The following COL9A3 variants were observed in gnomAD, a reference collection of about 807,000 sequenced individuals.
COL9A3 encodes collagen type IX alpha 3 chain.
Under a neutral mutation model 110.2 loss-of-function variants are expected in COL9A3, and 82 were observed. The ratio of observed to expected loss-of-function variants is 0.74; its 90% confidence interval spans 0.62 to 0.89. The LOEUF (loss-of-function observed/expected upper bound fraction) is 0.89, where lower values mean the gene tolerates loss of function less well. Ranked by LOEUF, COL9A3 falls within the 40% of genes least tolerant of loss-of-function variation. The pLI is 0.00. For synonymous variants in COL9A3, 494 were observed against 403.8 expected (o/e 1.22, Z -2.68); for missense variants, 1,066 against 981.3 (o/e 1.09, Z -1.15).
rs151056612 is a variant in COL9A3, at chr20:62,836,234, C to T, written c.1449C>T (p.Asn483=). 3.5e-3 allele frequency: 5,575 copies of T among 1,613,672 alleles called. 14 individuals are homozygous for T. Among genetic ancestry groups the T allele is most frequent in the Non-Finnish European group, 4.1e-3 (4,858 of 1,179,994 alleles). Residue 483 remains asparagine (N), a synonymous_variant, in exon 28 of 32, where the codon AAC becomes AAT. Transcript: ENST00000649368. ...ELGPKGTQGP[N]GTSGVQGVPG... ...GCCCCAAAGGCACCCAGGGTCCCAACGGCACCAGCGGTGTTCAGGGTGTCC... is the reference window on the plus strand; with the variant it reads ...GCCCCAAAGGCACCCAGGGTCCCAATGGCACCAGCGGTGTTCAGGGTGTCC...
intron 24 of COL9A3, 133 bp from the exon 25 acceptor site, chr20:62,832,021 C>T (rs2063600928): frequency 5.5e-6 from 5 of 908,932 alleles, no homozygotes; most frequent in Non-Finnish European, 1.8e-6. Context: ...GTCTGGGAGC[C>T]GGTGTTCACA....
Position 62,836,314 on chromosome 20 carries a change from C to T in COL9A3, c.1529C>T (p.Thr510Met), listed in dbSNP as rs200521238. The T allele has an allele frequency of 1.3e-4, 207 of 1,613,704 alleles. No individual in the cohort carries two copies. Among genetic ancestry groups the T allele is most frequent in the Middle Eastern group, 8.2e-4 (5 of 6,084 alleles). Residue 510 changes from threonine (T) to methionine (M), a missense_variant, in exon 28 of 32, where the codon ACG (threonine) becomes ATG (methionine). Thr to Met is a moderately conservative substitution (Grantham distance 81). Coordinates refer to ENST00000649368, the MANE Select transcript of COL9A3 (RefSeq NM_001853.4). ...GGCGTCCCGGGTGTTCCTGGCATCA[C>T]GGGGAAGCCGGGAGTTCCGGTACGT... The part of the protein sequence containing the change: ...LQGVPGVPGI[T>M]GKPGVPGKEA...
intron 31 of COL9A3, among the ~76,000 whole-genome samples, chr20:62,840,025 G>A (rs7272664): frequency 0.069 from 10,470 of 152,006 alleles, 1,171 homozygotes; most frequent in African/African-American, 0.24. Context: ...CTTGCTGGTG[G>A]ACAGCAGCCT....
At chr20:62,837,941 A>AC (rs2063649449) in intron 30 of COL9A3, among the ~76,000 whole-genome samples, 2 of 151,526 alleles carry the variant, frequency 1.3e-5, no homozygotes, top group East Asian at 1.9e-4. Context: ...ACATGGTGAA[A>AC]CCCCGCCTCT....
At chr20:62,817,714 G>GGTTTTCTCTCC in intron 2 of COL9A3, 79 bp downstream of exon 2, 2 of 1,003,718 alleles carry the variant, frequency 2.0e-6, no homozygotes, top group African/African-American at 1.6e-5. Flanking sequence ...TCCCCGGCCT[G>GGTTTTCTCTCC]ATGGAGAGAA....
chr20:62,817,048 TCA>T (rs1990948780), exon 1 of COL9A3: 1 of 1,313,678 alleles, frequency 7.6e-7, no homozygotes, highest in East Asian at 3.6e-5. Context: ...ACGCCGCAGC[TCA>T]GACTCCGCTC....
chr20:62,836,025 A>T, intron 27 of COL9A3, 72 bp downstream of exon 27: 8 of 1,606,940 alleles, frequency 5.0e-6, no homozygotes, highest in Non-Finnish European at 6.8e-6. Flanking sequence ...CCTCTGGGCA[A>T]CCAGGCAGCC....
At chr20:62,830,161 G>C (rs1476979396) in intron 22 of COL9A3, among the ~76,000 whole-genome samples, 199 bp from the exon 23 acceptor site, 1 of 152,108 alleles carries the variant, frequency 6.6e-6, no homozygotes, top group Non-Finnish European at 1.5e-5. Context: ...ATTGGGTCCA[G>C]GGTATGCCTG....
At chr20:62,828,706 T>C in intron 17 of COL9A3, 58 bp from the exon 18 acceptor site, 1 of 1,590,426 alleles carries the variant, frequency 6.3e-7, no homozygotes, top group South Asian at 1.1e-5. Context: ...AGGGCAGGAC[T>C]GTAGAGGGAG....
intron 1 of COL9A3, 135 bp downstream of exon 1, chr20:62,817,277 C>A: frequency 1.5e-6 from 1 of 648,858 alleles, no homozygotes. Flanking sequence ...GAGTCGCCAG[C>A]GCCTCGGGAT....
chr20:62,817,590 CG>C lies in COL9A3; in HGVS notation c.104del (p.Gly35AlafsTer53). 2 of 1,546,266 alleles carry C rather than the reference CG, an allele frequency of 1.3e-6. No individual in the cohort carries two copies. Among genetic ancestry groups the C allele is most frequent in the Non-Finnish European group, 1.7e-6 (2 of 1,144,580 alleles). On this transcript the variant is annotated frameshift_variant, in exon 2 of 32. Transcript: ENST00000649368. LOFTEE classifies it high-confidence loss of function. ...AGAGAGTGGGACTCCCCGGCCCCCC[CG>C]GCCCCCCAGGGCCGCCCGGGAAGCC... ...AQRVGLPGPP[G>X]PPGPPGKPGQ...
At chr20:62,821,455 G>A (rs1395695226) in intron 6 of COL9A3, 52 bp from the exon 7 acceptor site, 2 of 1,611,260 alleles carry the variant, frequency 1.2e-6, no homozygotes, top group Non-Finnish European at 1.7e-6. Flanking sequence ...GAGGGGTGAG[G>A]CGCAGCCCTT....
At chr20:62,835,887 A>G (rs778273129) in intron 26 of COL9A3, 34 bp from the exon 27 acceptor site, 1 of 1,613,790 alleles carries the variant, frequency 6.2e-7, no homozygotes, top group Non-Finnish European at 8.5e-7. Flanking sequence ...CCAACAATAC[A>G]CTTAGTTCAA....
chr20:62,834,165 C>T (rs1364417791), intron 26 of COL9A3, among the ~76,000 whole-genome samples: 2 of 152,014 alleles, frequency 1.3e-5, no homozygotes, highest in Non-Finnish European at 2.9e-5. Flanking sequence ...CGAGCCACCG[C>T]CCCTGGCCTA....
upstream of COL9A3, chr20:62,816,916 TGGAAGCCCCCCCGCCCAGG>T (rs1379912671): frequency 9.3e-6 from 3 of 322,504 alleles, no homozygotes; most frequent in African/African-American, 6.8e-5. Context: ...GCGGGGCGGG[TGGAAGCCCCCCCGCCCAGG>T]TGGGCCCGGC....
intron 31 of COL9A3, among the ~76,000 whole-genome samples, chr20:62,840,043 G>GCACCATGCCCGCACCATGCCCA (rs1388339476): frequency 1.3e-5 from 2 of 151,846 alleles, no homozygotes; most frequent in African/African-American, 4.8e-5. Context: ...CCTCCCGGCC[G>GCACCATGCCCGCACCATGCCCA]CACCATGCCC....
chr20:62,836,658 C>A, intron 29 of COL9A3, 126 bp downstream of exon 29: 1 of 1,037,184 alleles, frequency 9.6e-7, no homozygotes, highest in Non-Finnish European at 1.4e-6. Context: ...GCACTCACCC[C>A]GCCTGTTAGC....
At chr20:62,832,735 C>T (rs893531900) in intron 25 of COL9A3, 4 of 358,098 alleles carry the variant, frequency 1.1e-5, no homozygotes, top group South Asian at 3.5e-5. Flanking sequence ...CTTTCCATAC[C>T]GCTGGAGGGC....
rs374961102 is a variant in COL9A3 at position 62,826,175 on chromosome 20, G to A, written c.685-29G>A. 132 of 1,551,388 alleles carry A rather than the reference G, an allele frequency of 8.5e-5. No homozygotes were observed. In the African/African-American group the frequency reaches 1.7e-3, roughly 20 times the overall value. On this transcript the variant is annotated intron_variant, in intron 13 of 31. Transcript: ENST00000649368. Reference sequence around the variant, plus strand: ...TCCCCGGGGTGGAGGTGCAGCCCCAGCCTCTGCATCTGTGCCTCTCTCTCG... The same window carrying A: ...TCCCCGGGGTGGAGGTGCAGCCCCAACCTCTGCATCTGTGCCTCTCTCTCG...
Sources: allele counts gnomAD v4.1 joint callset (sites outside exome capture counted in the v4.1 genomes callset), GRCh38; gene constraint gnomAD v4.1.1; transcripts MANE v1.5; gene names NCBI Gene and HGNC (gene_info 2026-07-23, HGNC 2026-07-21).